The following PCDH15 variants were observed in gnomAD, a reference collection of about 807,000 sequenced individuals.
The protein encoded by PCDH15 is protocadherin-15.
In PCDH15, 129 loss-of-function variants were observed where a neutral mutation model predicts 178.5. That is an observed-to-expected ratio of 0.72 (90% CI 0.63 to 0.84). PCDH15 has a LOEUF of 0.84. Among genes scored for constraint, PCDH15 ranks in the 40% least tolerant of loss-of-function variants. PCDH15 has a pLI of 0.00. For missense variants in PCDH15, 2,230 were observed against 2,099.9 expected, an observed-to-expected ratio of 1.06 and a Z score of -1.21; for synonymous variants, 800 against 732.0, an observed-to-expected ratio of 1.09 and a Z score of -1.50.
At chr10:54,486,521 A>G (rs1302022123) in intron 3 of PCDH15, among the ~76,000 whole-genome samples, 1 of 151,980 alleles carries the variant, frequency 6.6e-6, no homozygotes, top group African/African-American at 2.4e-5. Context: ...CACATAGTAG[A>G]GGCTACTAGT....
At chr10:55,558,371 G>C (rs1177095021) in intron 2 of PCDH15, among the ~76,000 whole-genome samples, 1 of 152,014 alleles carries the variant, frequency 6.6e-6, no homozygotes, top group African/African-American at 2.4e-5. Flanking sequence ...GATGGGTATG[G>C]GTTTGGTTTG....
chr10:53,914,763 A>AT (rs2083407128), intron 25 of PCDH15, among the ~76,000 whole-genome samples: 1 of 151,088 alleles, frequency 6.6e-6, no homozygotes, highest in South Asian at 2.1e-4. Context: ...TAAAGTATAT[A>AT]AAAAAAAATA....
At chr10:53,863,443 C>T (rs2079233544) in intron 27 of PCDH15, among the ~76,000 whole-genome samples, 1 of 152,076 alleles carries the variant, frequency 6.6e-6, no homozygotes, top group African/African-American at 2.4e-5. Flanking sequence ...CTGGCATCAT[C>T]AGTACATTTC....
chr10:55,182,651 C>T (rs1162721038), intron 1 of PCDH15, among the ~76,000 whole-genome samples: 2 of 151,882 alleles, frequency 1.3e-5, no homozygotes, highest in African/African-American at 4.8e-5. Context: ...TACATAAGTA[C>T]AGATGGTATG....
rs568839663 is a variant in PCDH15 at position 54,549,437 on chromosome 10, T to C, written c.92-21560A>G. On this transcript the variant is annotated intron_variant, in intron 2 of 37. Coordinates refer to ENST00000644397, the MANE Select transcript of PCDH15 (RefSeq NM_001384140.1). ...TACCCATAGGTTATTTAAAAGATAG[T>C]TTTAATAAATACAAATGTATTTATT... Among the ~76,000 whole-genome samples, 3 of 152,028 alleles carry C rather than the reference T, an allele frequency of 2.0e-5. No homozygotes were observed. In the South Asian group the frequency reaches 6.2e-4, roughly 31 times the overall value.
chr10:54,921,318 TATTTA>T (rs1482645988), intron 2 of PCDH15, among the ~76,000 whole-genome samples: 6 of 130,736 alleles, frequency 4.6e-5, no homozygotes, highest in South Asian at 2.5e-4. Flanking sequence ...TTTTTATTTT[TATTTA>T]TTTTTTTTTA....
At chr10:54,436,002 AAGAGGAGAGGAGAGG>A (rs1174759847) in intron 3 of PCDH15, among the ~76,000 whole-genome samples, 5 of 127,770 alleles carry the variant, frequency 3.9e-5, no homozygotes, top group African/African-American at 1.1e-4. Flanking sequence ...AAAAGAAAAG[AAGAGGAGAGGAGAGG>A]AGAGGAGAGG....
At chr10:54,462,157 C>T (rs1340980501) in intron 3 of PCDH15, among the ~76,000 whole-genome samples, 1 of 152,044 alleles carries the variant, frequency 6.6e-6, no homozygotes, top group Admixed American at 6.6e-5. Context: ...TTTTCAGAAT[C>T]TGAGAAGTGT....
chr10:54,528,494 A>G, intron 2 of PCDH15: 1 of 949,112 alleles, frequency 1.1e-6, no homozygotes, highest in Non-Finnish European at 1.6e-6. Context: ...ATTTAGTGAG[A>G]GATTTAAGGA....
chr10:55,087,129 A>G (rs1380664567), intron 2 of PCDH15, among the ~76,000 whole-genome samples: 1 of 152,130 alleles, frequency 6.6e-6, no homozygotes, highest in East Asian at 1.9e-4. Context: ...ATCTCATGAA[A>G]ATATACTTGT....
intron 3 of PCDH15, among the ~76,000 whole-genome samples, chr10:54,877,184 G>C (rs749971684): frequency 1.3e-5 from 2 of 152,064 alleles, no homozygotes; most frequent in Non-Finnish European, 2.9e-5. Flanking sequence ...AAGCTTTCTA[G>C]ATATATGTTG....
intron 1 of PCDH15, among the ~76,000 whole-genome samples, chr10:54,746,485 G>T (rs1945477362): frequency 1.3e-5 from 2 of 152,072 alleles, no homozygotes; most frequent in Admixed American, 1.3e-4. Flanking sequence ...GTTTGTAACA[G>T]AAAGAAAGGA....
chr10:54,958,170 T>C (rs1482090208), intron 2 of PCDH15, among the ~76,000 whole-genome samples: 3 of 151,876 alleles, frequency 2.0e-5, no homozygotes, highest in African/African-American at 7.2e-5. Flanking sequence ...ACCACCTCTT[T>C]TAGAATTATT....
chr10:54,812,968 C>A (rs1394251970), intron 3 of PCDH15, among the ~76,000 whole-genome samples: 2 of 152,194 alleles, frequency 1.3e-5, no homozygotes, highest in Non-Finnish European at 2.9e-5. Context: ...GATTCTAACA[C>A]CTACCTAAAA....
chr10:53,938,100 G>A (rs1282792667), intron 25 of PCDH15, among the ~76,000 whole-genome samples: 1 of 151,980 alleles, frequency 6.6e-6, no homozygotes, highest in Non-Finnish European at 1.5e-5. Flanking sequence ...TTGCATTATT[G>A]ATAACATCTT....
intron 28 of PCDH15, among the ~76,000 whole-genome samples, chr10:53,850,298 C>T (rs186812393): frequency 6.6e-6 from 1 of 152,232 alleles, no homozygotes; most frequent in African/African-American, 2.4e-5. Flanking sequence ...AAAGATGCTA[C>T]TGCAATGTGC....
At chr10:55,093,822 C>A (rs889890044) in intron 2 of PCDH15, among the ~76,000 whole-genome samples, 2 of 152,014 alleles carry the variant, frequency 1.3e-5, no homozygotes. Context: ...CAGAGAAATG[C>A]AAATCAAAAC....
chr10:55,491,203 G>C (rs756955657), intron 2 of PCDH15, among the ~76,000 whole-genome samples: 1 of 151,658 alleles, frequency 6.6e-6, no homozygotes, highest in Non-Finnish European at 1.5e-5. Flanking sequence ...GAAGACAGAG[G>C]CTCCCTTGAC....
rs1841145933 is a variant in PCDH15 at position 55,520,400 on chromosome 10, A to C, written c.-156+107225T>G. On this transcript the variant is annotated intron_variant, in intron 2 of 5. Transcript: ENST00000613346. ...AAACTCAGTAGTTACAAGTACTGTA[A>C]CTACTATTTATAAATGAGCTTCATT... 1.4e-5 allele frequency among the ~76,000 whole-genome samples: 2 copies of C among 145,228 alleles called. 1 individual carries two copies. The highest frequency in any genetic ancestry group is 5.0e-5 in the African/African-American group (2 of 39,954).
Sources: allele counts gnomAD v4.1 joint callset (sites outside exome capture counted in the v4.1 genomes callset), GRCh38; gene constraint gnomAD v4.1.1; transcripts MANE v1.5; gene names NCBI Gene and HGNC (gene_info 2026-07-23, HGNC 2026-07-21).